Variants in ARMH3 observed in about 807,000 individuals in gnomAD.
The protein encoded by ARMH3 is armadillo-like helical domain-containing protein 3.
A neutral mutation model predicts 99.1 loss-of-function variants in ARMH3; 60 were observed. The ratio of observed to expected loss-of-function variants is 0.61; its 90% CI spans 0.49 to 0.75. The LOEUF (loss-of-function observed/expected upper bound fraction) is 0.75, where lower values mean the gene tolerates loss of function less well. Ranked by LOEUF, ARMH3 falls within the 30% of genes least tolerant of loss-of-function variation. The pLI is 0.00. For synonymous variants in ARMH3, 285 were observed against 292.8 expected (o/e 0.97, Z 0.27); for missense variants, 679 against 843.1 (o/e 0.81, Z 2.41).
chr10:102,029,884 GT>G (rs1301111423), intron 4 of ARMH3, 139 bp from the exon 5 acceptor site: 17 of 809,812 alleles, frequency 2.1e-5, no homozygotes, highest in Non-Finnish European at 3.1e-5. Flanking sequence ...CACAGTCTGA[GT>G]TTTTTTGGTT....
At chr10:101,983,440 CCTAA>C (rs1846319890) in intron 19 of ARMH3, among the ~76,000 whole-genome samples, 1 of 152,138 alleles carries the variant, frequency 6.6e-6, no homozygotes, top group African/African-American at 2.4e-5. Flanking sequence ...CACTACCACA[CCTAA>C]CTAATTTTTG....
At chr10:102,054,648 C>T (rs2067792699) in intron 1 of ARMH3, among the ~76,000 whole-genome samples, 1 of 152,148 alleles carries the variant, frequency 6.6e-6, no homozygotes, top group Admixed American at 6.6e-5. Flanking sequence ...ATCATATTTA[C>T]CCTAGTTTAC....
chr10:101,866,414 C>T (rs1310420210), intron 24 of ARMH3, among the ~76,000 whole-genome samples: 2 of 148,318 alleles, frequency 1.3e-5, no homozygotes, highest in Non-Finnish European at 3.0e-5. Context: ...ATATGTACCA[C>T]AGACTGAGGT....
In ARMH3 at chr10:102,006,580, G is replaced by A; in HGVS notation, c.1008C>T (p.Thr336=). 2 of 1,614,060 alleles carry A rather than the reference G, an allele frequency of 1.2e-6. No individual in the cohort carries two copies. Among genetic ancestry groups the A allele is most frequent in the Middle Eastern group, 1.7e-4 (1 of 6,056 alleles). The change falls in exon 14 of 26, where the codon ACC becomes ACT. Residue 336 remains threonine, a synonymous_variant. Transcript: ENST00000370033. ...VTTPVSPAPT[T]PVTPLGTTPP... ...GTGTGGTCCCAAGTGGTGTGACTGGGGTTGTAGGAGCAGGACTGACAGGGG... is the reference window on the plus strand; with the variant it reads ...GTGTGGTCCCAAGTGGTGTGACTGGAGTTGTAGGAGCAGGACTGACAGGGG...
At chr10:101,931,588 G>A (rs1392784491) in intron 23 of ARMH3, among the ~76,000 whole-genome samples, 1 of 151,682 alleles carries the variant, frequency 6.6e-6, no homozygotes, top group Non-Finnish European at 1.5e-5. Context: ...GAAGTTGGAT[G>A]CTTACTTTAT....
chr10:101,901,864 A>G (rs2135501002), intron 23 of ARMH3, among the ~76,000 whole-genome samples: 1 of 152,382 alleles, frequency 6.6e-6, no homozygotes, highest in East Asian at 1.9e-4. Context: ...GTTCTGCCTA[A>G]GTGAAGTTGA....
chr10:101,858,052 G>C (rs2135297146), intron 24 of ARMH3, among the ~76,000 whole-genome samples: 1 of 152,362 alleles, frequency 6.6e-6, no homozygotes, highest in South Asian at 2.1e-4. Flanking sequence ...CAGCTTAGAA[G>C]AGGGATTCTG....
intron 5 of ARMH3, among the ~76,000 whole-genome samples, chr10:102,027,522 G>A (rs1323245455): frequency 2.0e-5 from 3 of 152,038 alleles, no homozygotes; most frequent in Non-Finnish European, 4.4e-5. Flanking sequence ...AGAGATGCAG[G>A]AGAAACAGTG....
intron 19 of ARMH3, among the ~76,000 whole-genome samples, chr10:101,981,789 C>T (rs546220649): frequency 1.2e-4 from 18 of 150,820 alleles, no homozygotes; most frequent in Non-Finnish European, 2.1e-4. Flanking sequence ...GAGGTAGAGG[C>T]GGGTGGATCA....
intron 20 of ARMH3, among the ~76,000 whole-genome samples, chr10:101,959,480 C>T (rs1845184464): frequency 6.6e-6 from 1 of 152,192 alleles, no homozygotes; most frequent in Non-Finnish European, 1.5e-5. Flanking sequence ...GCAGCTTTTG[C>T]ACACATCCCA....
intron 24 of ARMH3, among the ~76,000 whole-genome samples, chr10:101,866,514 A>G (rs949747126): frequency 2.6e-5 from 4 of 151,984 alleles, no homozygotes; most frequent in Non-Finnish European, 5.9e-5. Context: ...GAAAAGGAAA[A>G]GAAATTTATG....
At chr10:101,938,144 C>G (rs1310275881) in intron 23 of ARMH3, among the ~76,000 whole-genome samples, 1 of 152,234 alleles carries the variant, frequency 6.6e-6, no homozygotes, top group Admixed American at 6.5e-5. Context: ...GCCAGGATTA[C>G]AGGCGTGAGC....
At chr10:101,904,995 C>T (rs1244818784) in intron 23 of ARMH3, among the ~76,000 whole-genome samples, 2 of 151,194 alleles carry the variant, frequency 1.3e-5, no homozygotes, top group African/African-American at 4.9e-5. Flanking sequence ...CTCAGTTCAT[C>T]ACTGAGAAAG....
At chr10:101,985,078 TACAC>T (rs35926257) in intron 19 of ARMH3, among the ~76,000 whole-genome samples, 10,834 of 136,166 alleles carry the variant, frequency 0.08, 1,255 homozygotes, top group African/African-American at 0.27. Context: ...AAAATATATA[TACAC>T]ACACACACAC....
chr10:101,913,483 A>G (rs1170937299), intron 23 of ARMH3, among the ~76,000 whole-genome samples: 1 of 148,764 alleles, frequency 6.7e-6, no homozygotes, highest in Non-Finnish European at 1.5e-5. Context: ...TTCCCATCTC[A>G]GCATCCCAAG....
At chr10:101,932,078 TA>T (rs934623834) in intron 23 of ARMH3, among the ~76,000 whole-genome samples, 1 of 151,830 alleles carries the variant, frequency 6.6e-6, no homozygotes, top group Admixed American at 6.6e-5. Context: ...AAAACTCCAT[TA>T]AAAAATGAGC....
intron 1 of ARMH3, among the ~76,000 whole-genome samples, chr10:102,044,741 G>C (rs543788711): frequency 3.3e-5 from 5 of 152,090 alleles, no homozygotes; most frequent in Admixed American, 2.6e-4. Flanking sequence ...CAATGTTATA[G>C]CTAGATGCTA....
At chr10:101,856,425 G>A (rs930561536) in intron 24 of ARMH3, among the ~76,000 whole-genome samples, 11 of 152,034 alleles carry the variant, frequency 7.2e-5, no homozygotes, top group African/African-American at 2.7e-4. Flanking sequence ...CTCGGGGCGG[G>A]GTGCTGAAAG....
chr10:101,939,427 A>T (rs1310190745), intron 23 of ARMH3, among the ~76,000 whole-genome samples: 1 of 152,166 alleles, frequency 6.6e-6, no homozygotes, highest in African/African-American at 2.4e-5. Flanking sequence ...ACCTAAAATG[A>T]CTCAGCCCCA....
Sources: allele counts gnomAD v4.1 joint callset (sites outside exome capture counted in the v4.1 genomes callset), GRCh38; gene constraint gnomAD v4.1.1; transcripts MANE v1.5; gene names NCBI Gene and HGNC (gene_info 2026-07-23, HGNC 2026-07-21).